ERGIC2: variants seen among roughly 807,000 people sequenced by gnomAD.
ERGIC2 encodes the protein ERGIC and golgi 2.
A neutral mutation model predicts 52.5 loss-of-function variants in ERGIC2; 31 were observed. The ratio of observed to expected loss-of-function variants is 0.59; its 90% CI spans 0.44 to 0.80. The LOEUF (loss-of-function observed/expected upper bound fraction) is 0.80. Ranked by LOEUF, ERGIC2 falls within the 30% of genes least tolerant of loss-of-function variation. The pLI, the probability that ERGIC2 is intolerant of heterozygous loss-of-function variation, is 0.00. For synonymous variants in ERGIC2, 129 were observed against 140.6 expected (o/e 0.92, Z 0.58); for missense variants, 395 against 455.2 (o/e 0.87, Z 1.20).
At chr12:29,343,585 G>A (rs1949855233) in intron 11 of ERGIC2, among the ~76,000 whole-genome samples, 1 of 152,170 alleles carries the variant, frequency 6.6e-6, no homozygotes. Context: ...TGTATGGCAT[G>A]TTCCTCATGC....
Position 29,341,106 on chromosome 12 carries a change from A to G in ERGIC2, c.*50T>C. 1 of 1,221,770 alleles carries G rather than the reference A, an allele frequency of 8.2e-7. No homozygotes were observed. Among genetic ancestry groups the G allele is most frequent in the Non-Finnish European group, 1.2e-6 (1 of 848,466 alleles). 75.7% of individuals were successfully genotyped at this position (1,221,770 alleles called of 1,614,324 possible). A position where few individuals can be genotyped will look rare whatever the true frequency, so the allele number is the denominator to read the frequency against. On this transcript the variant is annotated 3_prime_UTR_variant, in exon 14 of 14. Coordinates refer to ENST00000360150, the MANE Select transcript of ERGIC2 (RefSeq NM_016570.3). ...ATTGCACAATATTTTATTATTAAAA[A>G]AAGGTTTTATGTCTCAGGCAAAAAG... is the stretch of plus-strand genomic sequence containing the variant.
chr12:29,350,703 G>A (rs1468380972), intron 8 of ERGIC2, among the ~76,000 whole-genome samples: 1 of 152,056 alleles, frequency 6.6e-6, no homozygotes, highest in Admixed American at 6.5e-5. Context: ...CAATTGTGCA[G>A]TGAAATGAAT....
chr12:29,375,932 T>C (rs917352857), intron 1 of ERGIC2, among the ~76,000 whole-genome samples: 6 of 152,210 alleles, frequency 3.9e-5, no homozygotes, highest in African/African-American at 1.4e-4. Context: ...AGTCACTGTC[T>C]GGCATAAACA....
At chr12:29,345,173 C>T (rs1265267483) in intron 11 of ERGIC2, among the ~76,000 whole-genome samples, 3 of 151,992 alleles carry the variant, frequency 2.0e-5, no homozygotes, top group Non-Finnish European at 2.9e-5. Context: ...ATAATTAAGG[C>T]CATCACAATT....
intron 1 of ERGIC2, among the ~76,000 whole-genome samples, chr12:29,375,115 G>A (rs1048501022): frequency 1.3e-4 from 20 of 151,920 alleles, no homozygotes; most frequent in Admixed American, 4.6e-4. Context: ...TCCCCCTACC[G>A]CATCTCTACA....
At chr12:29,360,541 AC>A (rs948822143) in intron 6 of ERGIC2, among the ~76,000 whole-genome samples, 3 of 147,704 alleles carry the variant, frequency 2.0e-5, no homozygotes, top group East Asian at 1.9e-4. Context: ...GAATATATAA[AC>A]TTTTATATAT....
intron 1 of ERGIC2, among the ~76,000 whole-genome samples, chr12:29,373,433 T>C (rs1461165463): frequency 6.6e-6 from 1 of 152,064 alleles, no homozygotes; most frequent in Non-Finnish European, 1.5e-5. Context: ...AGAAATAATG[T>C]CTCTGGAAGA....
chr12:29,372,524 C>A (rs1015195906), intron 1 of ERGIC2: 1 of 151,996 alleles, frequency 6.6e-6, no homozygotes, highest in Non-Finnish European at 1.5e-5. Context: ...CAATAACCTG[C>A]GGTTTTAACC....
chr12:29,372,680 G>A (rs11050213), intron 1 of ERGIC2, among the ~76,000 whole-genome samples: 1 of 149,992 alleles, frequency 6.7e-6, no homozygotes, highest in East Asian at 2.0e-4. Flanking sequence ...TTTGAGACAG[G>A]ATCTTGCTCT....
At chr12:29,369,144 CAGG>C (rs1271295523) in intron 3 of ERGIC2, among the ~76,000 whole-genome samples, 3 of 151,796 alleles carry the variant, frequency 2.0e-5, no homozygotes, top group Non-Finnish European at 4.4e-5. Context: ...CCAAATAACC[CAGG>C]AGTTTAGGCT....
rs1345665192 is a variant in ERGIC2, at chr12:29,341,764, G to T, written c.1041C>A (p.Phe347Leu). ...KFIVEIICCR[F>L]RLGSYKPVNS... ...TGACAGGTTTATAGGATCCAAGTCT[G>T]AAACGACAGCAAATTATTTCAACTA... The change falls in exon 13 of 14, where the codon TTC becomes TTA. Residue 347 changes from phenylalanine (F) to leucine (L), a missense_variant. Physicochemically the swap from Phe to Leu is conservative, Grantham distance 22 (BLOSUM62 0). Coordinates refer to ENST00000360150, the MANE Select transcript of ERGIC2 (RefSeq NM_016570.3). 1 of 1,600,980 alleles carries T rather than the reference G, an allele frequency of 6.2e-7. No homozygotes were observed. Among genetic ancestry groups the T allele is most frequent in the Non-Finnish European group, 8.6e-7 (1 of 1,168,202 alleles).
chr12:29,356,623 C>A, intron 7 of ERGIC2, 146 bp from the exon 8 acceptor site: 1 of 474,882 alleles, frequency 2.1e-6, no homozygotes, highest in African/African-American at 2.0e-5. Context: ...TTCCTGAAGT[C>A]TAGACATTTA....
At chr12:29,345,069 A>C (rs909142211) in intron 11 of ERGIC2, among the ~76,000 whole-genome samples, 1 of 152,220 alleles carries the variant, frequency 6.6e-6, no homozygotes, top group Non-Finnish European at 1.5e-5. Context: ...ATTAATAAAT[A>C]AGTAACAGAA....
intron 8 of ERGIC2, among the ~76,000 whole-genome samples, chr12:29,355,440 G>A (rs918099083): frequency 1.3e-5 from 2 of 152,012 alleles, no homozygotes; most frequent in South Asian, 4.2e-4. Context: ...TTTGCACATA[G>A]CAAGTACTCA....
intron 10 of ERGIC2, among the ~76,000 whole-genome samples, chr12:29,346,237 G>A (rs1940049680): frequency 6.7e-6 from 1 of 150,218 alleles, no homozygotes; most frequent in African/African-American, 2.5e-5. Flanking sequence ...CGCCCAGGCT[G>A]GAGTGCAGTG....
Position 29,367,414 on chromosome 12 carries a change from A to C in ERGIC2, c.263-467T>G, listed in dbSNP as rs1402214404. ...TTTTATTCGGAAAAGGCTAAAATTT[A>C]ACAGTATTTAAACATCCAAAATAAG... On this transcript the variant is annotated intron_variant, in intron 4 of 13. Coordinates refer to ENST00000360150, the MANE Select transcript of ERGIC2 (RefSeq NM_016570.3). 2.6e-5 allele frequency among the ~76,000 whole-genome samples: 4 copies of C among 151,830 alleles called. No homozygotes were observed. The East Asian group carries it at 7.7e-4, about 29-fold the overall frequency.
chr12:29,347,675 C>T (rs1940073329), intron 10 of ERGIC2, among the ~76,000 whole-genome samples: 1 of 152,002 alleles, frequency 6.6e-6, no homozygotes, highest in African/African-American at 2.4e-5. Flanking sequence ...TGCAATACTT[C>T]TGGAGAACAT....
At chr12:29,350,450 G>A (rs113773206) in intron 8 of ERGIC2, among the ~76,000 whole-genome samples, 7 of 151,792 alleles carry the variant, frequency 4.6e-5, no homozygotes, top group Admixed American at 1.3e-4. Context: ...GTTTAATTGG[G>A]GTTTGGAATG....
chr12:29,338,914 C>T lies in ERGIC2; in HGVS notation c.*2242G>A, dbSNP rs888108499. On this transcript the variant is annotated 3_prime_UTR_variant, in exon 14 of 14. Transcript: ENST00000360150. Reference sequence around the variant, plus strand: ...AGAATTGGGTAACAAAGTAGGGTATCCTGGCTGGAGGCACCTCCAGGCATA... The same window carrying T: ...AGAATTGGGTAACAAAGTAGGGTATTCTGGCTGGAGGCACCTCCAGGCATA... 6 of 152,058 alleles carry T rather than the reference C, an allele frequency of 3.9e-5. No homozygotes were observed. Among genetic ancestry groups the T allele is most frequent in the Middle Eastern group, 3.2e-3 (1 of 316 alleles). 9.4% of individuals were successfully genotyped at this position (152,058 alleles called of 1,614,324 possible).
Sources: gnomAD v4.1 joint callset for allele counts (sites outside exome capture counted in the v4.1 genomes callset) on GRCh38, gnomAD v4.1.1 for gene constraint, MANE v1.5 for transcripts, NCBI Gene and HGNC (gene_info 2026-07-23, HGNC 2026-07-21) for gene names.